ZNF589: variants seen among roughly 807,000 people sequenced by gnomAD.
ZNF589 encodes the protein zinc finger protein 589, also known as KRAB-zinc finger protein SZF1-1.
Under a neutral mutation model 13.6 loss-of-function variants are expected in ZNF589, and 17 were observed. The observed-to-expected ratio is 1.25, with a 90% CI of 0.86 to 1.88. The LOEUF is 1.88. Ranked by LOEUF, ZNF589 falls within the 40% of genes most tolerant of loss-of-function variation. The pLI is 0.00. For missense variants in ZNF589, 407 were observed against 434.0 expected (o/e 0.94, Z 0.55); for synonymous variants, 148 against 161.6 (o/e 0.92, Z 0.64).
Position 48,264,300 on chromosome 3 carries a change from C to T in ZNF589, c.223+3361C>T, listed in dbSNP as rs150786821. Among the ~76,000 whole-genome samples the T allele has an allele frequency of 1.3e-4, 19 of 149,322 alleles. No individual in the cohort carries two copies. The East Asian group carries it at 2.2e-3, about 17-fold the overall frequency. Reference sequence around the variant, plus strand: ...TTGTAATCCCAGCACACTGGGAGGCCGAGGCAGGCAGATCATGAGGTCAGG... The same window carrying T: ...TTGTAATCCCAGCACACTGGGAGGCTGAGGCAGGCAGATCATGAGGTCAGG... On this transcript the variant is annotated intron_variant, in intron 3 of 3. Transcript: ENST00000354698.
At chr3:48,257,725 G>GTT (rs201177492) in intron 2 of ZNF589, among the ~76,000 whole-genome samples, 1 of 151,424 alleles carries the variant, frequency 6.6e-6, no homozygotes, top group South Asian at 2.1e-4. Flanking sequence ...GATTTTTTTT[G>GTT]TTTTTTGTTT....
chr3:48,253,324 C>T (rs2033859173), intron 2 of ZNF589, among the ~76,000 whole-genome samples: 1 of 152,208 alleles, frequency 6.6e-6, no homozygotes, highest in Non-Finnish European at 1.5e-5. Flanking sequence ...GGCCACCATG[C>T]CCGGCCATCA....
At chr3:48,263,826 A>T (rs938612713) in intron 3 of ZNF589, among the ~76,000 whole-genome samples, 4 of 152,228 alleles carry the variant, frequency 2.6e-5, no homozygotes, top group Non-Finnish European at 5.9e-5. Flanking sequence ...TCAGGACAGT[A>T]AGTGAGATGT....
rs1447869064 is a variant in ZNF589 at position 48,268,596 on chromosome 3, A to T, written c.905A>T (p.Lys302Ile). 3 of 1,613,758 alleles carry T rather than the reference A, an allele frequency of 1.9e-6. No individual in the cohort carries two copies. Among genetic ancestry groups the T allele is most frequent in the Non-Finnish European group, 2.5e-6 (3 of 1,179,934 alleles). ...RNHLSTHSGE[K>I]PYVCSHCGRG... ...CACCTGAGTACACACTCCGGGGAGAAACCTTATGTGTGCAGCCATTGTGGG... is the reference window on the plus strand; with the variant it reads ...CACCTGAGTACACACTCCGGGGAGATACCTTATGTGTGCAGCCATTGTGGG... The change falls in exon 4 of 4, where the codon AAA becomes ATA. Residue 302 changes from lysine (K) to isoleucine (I), a missense_variant. Lys to Ile is a moderately radical substitution (Grantham distance 102, BLOSUM62 -3). Coordinates refer to ENST00000354698, the MANE Select transcript of ZNF589 (RefSeq NM_016089.3).
intron 3 of ZNF589, among the ~76,000 whole-genome samples, chr3:48,261,480 C>A (rs1371156453): frequency 6.6e-6 from 1 of 152,026 alleles, no homozygotes; most frequent in Non-Finnish European, 1.5e-5. Context: ...GTAAGAGATG[C>A]CTTCTATGAC....
intron 3 of ZNF589, among the ~76,000 whole-genome samples, chr3:48,266,113 A>G (rs1244969615): frequency 6.6e-6 from 1 of 152,216 alleles, no homozygotes; most frequent in Non-Finnish European, 1.5e-5. Context: ...AATAACTCTG[A>G]ACTTTTTAAA....
chr3:48,263,061 CAA>C (rs2033983150), intron 3 of ZNF589, among the ~76,000 whole-genome samples: 1 of 152,102 alleles, frequency 6.6e-6, no homozygotes, highest in Non-Finnish European at 1.5e-5. Flanking sequence ...GTAGCCTTGT[CAA>C]GAGATTACAT....
intron 3 of ZNF589, among the ~76,000 whole-genome samples, chr3:48,265,338 T>C (rs1035967793): frequency 8.2e-6 from 1 of 121,280 alleles, no homozygotes; most frequent in African/African-American, 3.2e-5. Flanking sequence ...CAGGCTGGAG[T>C]GCAATGATGG....
Position 48,241,130 on chromosome 3 carries a change from G to T in ZNF589, c.-42G>T. The T allele has an allele frequency of 6.2e-7, 1 of 1,611,718 alleles. No individual in the cohort carries two copies. The highest frequency in any genetic ancestry group is 8.5e-7 in the Non-Finnish European group (1 of 1,178,956). ...CGCATTCTAATCCGTTTCACACACG[G>T]TGCTGCTACCTCGTTTGCTTCGTGC... On this transcript the variant is annotated 5_prime_UTR_variant, in exon 1 of 4. Coordinates refer to ENST00000354698, the MANE Select transcript of ZNF589 (RefSeq NM_016089.3).
At chr3:48,247,544 C>A in intron 1 of ZNF589, 81 bp from the exon 2 acceptor site, 2 of 1,549,724 alleles carry the variant, frequency 1.3e-6, no homozygotes, top group East Asian at 2.3e-5. Flanking sequence ...TGGCCACAGC[C>A]AAGGCTCAGA....
Position 48,268,936 on chromosome 3 carries a change from T to A in ZNF589, c.*150T>A. 8.6e-7 allele frequency: 1 copy of A among 1,162,342 alleles called. No individual in the cohort carries two copies. The allele number at this position is 1,162,342 out of a possible 1,614,324, so 72.0% of individuals were successfully genotyped here. A position where few individuals can be genotyped will look rare whatever the true frequency, so the allele number is the denominator to read the frequency against. On this transcript the variant is annotated 3_prime_UTR_variant, in exon 4 of 4. Transcript: ENST00000354698. ...AGTGGACACATTCAGAGGTGAAACC[T>A]CACGTGTGTGAGGAGTGTGGGCATG...
chr3:48,255,714 T>G (rs1367566875), intron 2 of ZNF589, among the ~76,000 whole-genome samples: 4 of 151,126 alleles, frequency 2.6e-5, no homozygotes, highest in Admixed American at 2.6e-4. Flanking sequence ...GTCCCGAACT[T>G]GTAACCTCAG....
intron 3 of ZNF589, 90 bp downstream of exon 3, chr3:48,261,029 A>C (rs866019567): frequency 3.7e-6 from 5 of 1,356,938 alleles, no homozygotes; most frequent in South Asian, 2.6e-5. Context: ...CTCTTAGAAC[A>C]TATCAGTGAA....
chr3:48,267,644 C>G (rs2034034118), intron 3 of ZNF589, among the ~76,000 whole-genome samples: 2 of 152,200 alleles, frequency 1.3e-5, no homozygotes, highest in African/African-American at 2.4e-5. Flanking sequence ...ATCTGCCCGC[C>G]TCCGCCTCCC....
intron 1 of ZNF589, among the ~76,000 whole-genome samples, chr3:48,245,959 A>C (rs13100815): frequency 0.21 from 31,565 of 151,402 alleles, 4,216 homozygotes; most frequent in Non-Finnish European, 0.3. Flanking sequence ...AAAAAAAAAA[A>C]CAGATATGGC....
In ZNF589 at chr3:48,270,721, TTTGATGCTAGAGAGG is replaced by T. The variant is rs2034081207; in HGVS notation, c.*1936_*1950del. 1 of 170,794 alleles carries T rather than the reference TTTGATGCTAGAGAGG, an allele frequency of 5.9e-6. No individual in the cohort carries two copies. The highest frequency in any genetic ancestry group is 1.3e-5 in the Non-Finnish European group (1 of 78,810). 10.6% of individuals were successfully genotyped at this position (170,794 alleles called of 1,614,324 possible). ...TAACCTCAAAATACTTAGGCTTGGTTTTGATGCTAGAGAGGAAAAAGGACTTGGAGAGAGAGAAGG... is the reference window on the plus strand; with the variant it reads ...TAACCTCAAAATACTTAGGCTTGGTTAAAAAGGACTTGGAGAGAGAGAAGG... On this transcript the variant is annotated 3_prime_UTR_variant, in exon 4 of 4. Transcript: ENST00000354698.
At chr3:48,246,604 C>T (rs1171073867) in intron 1 of ZNF589, among the ~76,000 whole-genome samples, 1 of 152,158 alleles carries the variant, frequency 6.6e-6, no homozygotes, top group African/African-American at 2.4e-5. Context: ...GCCACTGAAA[C>T]CGGCCTGACA....
At chr3:48,267,114 T>G (rs1481852946) in intron 3 of ZNF589, among the ~76,000 whole-genome samples, 2 of 152,210 alleles carry the variant, frequency 1.3e-5, no homozygotes, top group African/African-American at 2.4e-5. Flanking sequence ...CATGCCAAGT[T>G]CTACCAGAAG....
intron 2 of ZNF589, among the ~76,000 whole-genome samples, chr3:48,253,029 G>T (rs2033856679): frequency 1.3e-5 from 2 of 151,248 alleles, no homozygotes; most frequent in African/African-American, 2.4e-5. Context: ...AATAATCTGG[G>T]CGTTTTTTAT....
Sources: gnomAD v4.1 joint callset for allele counts (sites outside exome capture counted in the v4.1 genomes callset) on GRCh38, gnomAD v4.1.1 for gene constraint, MANE v1.5 for transcripts, NCBI Gene and HGNC (gene_info 2026-07-23, HGNC 2026-07-21) for gene names.